The following RASGRF2 variants were observed in gnomAD, a reference collection of about 807,000 sequenced individuals.
RASGRF2 encodes ras-specific guanine nucleotide-releasing factor 2.
A neutral mutation model predicts 151.0 loss-of-function variants in RASGRF2; 76 were observed. The observed-to-expected ratio is 0.50, with a 90% CI of 0.42 to 0.61. RASGRF2 has a LOEUF of 0.61. Ranked by LOEUF, RASGRF2 falls within the 20% of genes least tolerant of loss-of-function variation. RASGRF2 has a pLI of 0.00. For synonymous variants in RASGRF2, 504 were observed against 566.5 expected, an observed-to-expected ratio of 0.89 and a Z score of 1.57; for missense variants, 1,148 against 1,564.6, an observed-to-expected ratio of 0.73 and a Z score of 4.49.
At chr5:81,159,001 G>C (rs1233296426) in intron 17 of RASGRF2, among the ~76,000 whole-genome samples, 1 of 152,116 alleles carries the variant, frequency 6.6e-6, no homozygotes, top group Middle Eastern at 3.2e-3. Context: ...AATGTTTATA[G>C]CTCCATTATT....
At chr5:81,057,882 G>A (rs1267372141) in intron 2 of RASGRF2, among the ~76,000 whole-genome samples, 4 of 151,990 alleles carry the variant, frequency 2.6e-5, no homozygotes, top group Non-Finnish European at 5.9e-5. Context: ...TGTAGTCCCA[G>A]CTATTTGGCA....
intron 17 of RASGRF2, among the ~76,000 whole-genome samples, chr5:81,130,473 C>G (rs953096528): frequency 2.6e-5 from 4 of 152,098 alleles, no homozygotes; most frequent in African/African-American, 4.8e-5. Context: ...CTCAGCCACT[C>G]AGAGGAACTG....
intron 5 of RASGRF2, among the ~76,000 whole-genome samples, chr5:81,079,348 T>C (rs949614485): frequency 1.8e-4 from 27 of 152,228 alleles, no homozygotes; most frequent in Non-Finnish European, 3.7e-4. Flanking sequence ...TCGTGGACCA[T>C]TTGAAATAGT....
At chr5:81,112,885 G>C in intron 14 of RASGRF2, 27 bp downstream of exon 14, 1 of 1,613,616 alleles carries the variant, frequency 6.2e-7, no homozygotes. Flanking sequence ...AGGTTAGCCT[G>C]TCATTCGCAT....
intron 1 of RASGRF2, among the ~76,000 whole-genome samples, chr5:81,012,584 A>G (rs1749501299): frequency 6.6e-6 from 1 of 152,098 alleles, no homozygotes; most frequent in African/African-American, 2.4e-5. Context: ...ACCTTGTCCA[A>G]GGTTATGCCC....
At chr5:81,126,934 G>A (rs543526101) in intron 16 of RASGRF2, 140 bp from the exon 17 acceptor site, 2 of 815,166 alleles carry the variant, frequency 2.5e-6, no homozygotes, top group East Asian at 2.7e-5. Context: ...GTGCAATCTT[G>A]TTGTTTGCCC....
intron 2 of RASGRF2, among the ~76,000 whole-genome samples, chr5:81,059,360 G>A (rs1751341885): frequency 1.3e-5 from 2 of 149,590 alleles, no homozygotes. Flanking sequence ...CTCCAGCCTG[G>A]GTGACAGAGC....
intron 1 of RASGRF2, among the ~76,000 whole-genome samples, chr5:80,987,265 T>C (rs1054612306): frequency 6.6e-6 from 1 of 152,204 alleles, no homozygotes; most frequent in Non-Finnish European, 1.5e-5. Flanking sequence ...CTCCCATTTG[T>C]TGAGCACTGA....
At chr5:80,970,327 T>A (rs1056755039) in intron 1 of RASGRF2, among the ~76,000 whole-genome samples, 1 of 152,206 alleles carries the variant, frequency 6.6e-6, no homozygotes, top group African/African-American at 2.4e-5. Context: ...ACTGATTGTT[T>A]TAGGCCCTTT....
At chr5:81,139,631 C>A (rs146342166) in intron 17 of RASGRF2, among the ~76,000 whole-genome samples, 1 of 151,926 alleles carries the variant, frequency 6.6e-6, no homozygotes, top group Non-Finnish European at 1.5e-5. Context: ...TTTTATAAGC[C>A]TATGTTTTGA....
At chr5:81,100,207 A>C (rs61194622) in intron 12 of RASGRF2, among the ~76,000 whole-genome samples, 1 of 152,052 alleles carries the variant, frequency 6.6e-6, no homozygotes. Flanking sequence ...GCGCCCGGCC[A>C]CTATTTTTCT....
intron 17 of RASGRF2, among the ~76,000 whole-genome samples, chr5:81,129,251 A>G (rs1202476865): frequency 1.3e-5 from 2 of 152,226 alleles, no homozygotes; most frequent in East Asian, 1.9e-4. Flanking sequence ...AACATGAGAG[A>G]TGGCATATTT....
intron 1 of RASGRF2, among the ~76,000 whole-genome samples, chr5:81,030,340 C>T (rs1393478125): frequency 6.6e-6 from 1 of 152,128 alleles, no homozygotes; most frequent in Non-Finnish European, 1.5e-5. Context: ...CTCCAAGACA[C>T]ATAATTACCA....
At chr5:81,017,163 T>C (rs1357190487) in intron 1 of RASGRF2, among the ~76,000 whole-genome samples, 1 of 152,220 alleles carries the variant, frequency 6.6e-6, no homozygotes, top group Non-Finnish European at 1.5e-5. Flanking sequence ...CTAGGCAGCC[T>C]GGAGGTGACT....
chr5:81,105,830 G>A (rs1371592397), intron 12 of RASGRF2, among the ~76,000 whole-genome samples: 4 of 152,160 alleles, frequency 2.6e-5, no homozygotes, highest in Admixed American at 2.6e-4. Flanking sequence ...CATAGCTTGG[G>A]AAGAACAGGG....
chr5:81,021,951 A>C (rs1749843066), intron 1 of RASGRF2, among the ~76,000 whole-genome samples: 1 of 152,138 alleles, frequency 6.6e-6, no homozygotes. Context: ...AAAAAATTGC[A>C]TTCTTGTGCT....
intron 1 of RASGRF2, among the ~76,000 whole-genome samples, chr5:80,963,011 T>G (rs927855534): frequency 1.3e-5 from 2 of 152,196 alleles, no homozygotes; most frequent in Non-Finnish European, 2.9e-5. Flanking sequence ...CCTTCCACAT[T>G]TTGTCTTGCA....
intron 1 of RASGRF2, among the ~76,000 whole-genome samples, chr5:80,968,960 C>T (rs1209806852): frequency 6.6e-6 from 1 of 150,822 alleles, no homozygotes; most frequent in African/African-American, 2.4e-5. Flanking sequence ...CTGAGATTAC[C>T]AGCATGAGCC....
chr5:81,003,060 A>AT (rs1473876860), intron 1 of RASGRF2, among the ~76,000 whole-genome samples: 6 of 146,554 alleles, frequency 4.1e-5, no homozygotes, highest in African/African-American at 1.0e-4. Flanking sequence ...CAAAGAGACT[A>AT]TTTTTTTTGA....
Sources: allele counts gnomAD v4.1 joint callset (sites outside exome capture counted in the v4.1 genomes callset), GRCh38; gene constraint gnomAD v4.1.1; transcripts MANE v1.5; gene names NCBI Gene and HGNC (gene_info 2026-07-23, HGNC 2026-07-21).